PDE2A: variants seen among roughly 807,000 people sequenced by gnomAD.
PDE2A encodes phosphodiesterase 2A, also known as cGMP-dependent 3',5'-cyclic phosphodiesterase.
PDE2A carries 53 observed loss-of-function variants against 133.6 expected under a neutral mutation model. That is an observed-to-expected ratio of 0.40 (90% CI 0.32 to 0.50). The LOEUF (loss-of-function observed/expected upper bound fraction) is 0.50. PDE2A is among the 20% of genes least tolerant of loss of function. The pLI is 0.73. For missense variants in PDE2A, 796 were observed against 1,232.4 expected, an observed-to-expected ratio of 0.65 and a Z score of 5.30; for synonymous variants, 491 against 490.2, an observed-to-expected ratio of 1.00 and a Z score of -0.02.
chr11:72,634,213 AG>A (rs1858567109), intron 2 of PDE2A, among the ~76,000 whole-genome samples: 1 of 152,040 alleles, frequency 6.6e-6, no homozygotes, highest in Non-Finnish European at 1.5e-5. Flanking sequence ...GGGCCCGGGG[AG>A]GCACACTTCT....
intron 2 of PDE2A, among the ~76,000 whole-genome samples, chr11:72,616,721 C>T (rs1202520917): frequency 1.3e-5 from 2 of 152,210 alleles, no homozygotes; most frequent in Admixed American, 6.5e-5. Context: ...CTCTGCAGGC[C>T]GGGAGGCCCT....
At chr11:72,644,954 G>A (rs1261306877) in intron 1 of PDE2A, among the ~76,000 whole-genome samples, 2 of 151,974 alleles carry the variant, frequency 1.3e-5, no homozygotes, top group Non-Finnish European at 2.9e-5. Context: ...ATGGGATTTC[G>A]CCATGTTGGC....
chr11:72,668,515 G>A (rs997164422), intron 1 of PDE2A: 8 of 699,902 alleles, frequency 1.1e-5, no homozygotes, highest in Admixed American at 2.0e-5. Context: ...CAAGCCAGGG[G>A]GTCCCTGAGG....
At chr11:72,634,838 T>C (rs771127353) in intron 2 of PDE2A, among the ~76,000 whole-genome samples, 9 of 152,212 alleles carry the variant, frequency 5.9e-5, no homozygotes, top group Admixed American at 1.3e-4. Flanking sequence ...CCTCAGCCTA[T>C]ACTGAGAGGG....
intron 13 of PDE2A, among the ~76,000 whole-genome samples, chr11:72,588,249 A>G (rs1431784547): frequency 6.6e-6 from 1 of 152,068 alleles, no homozygotes; most frequent in Non-Finnish European, 1.5e-5. Flanking sequence ...CCATTTCTAG[A>G]CCCCAGGTTT....
intron 1 of PDE2A, among the ~76,000 whole-genome samples, chr11:72,672,791 T>G (rs1429127686): frequency 6.8e-6 from 1 of 148,028 alleles, no homozygotes; most frequent in African/African-American, 2.5e-5. Context: ...GAGGGCAGAG[T>G]CATTATTGCC....
At position 72,582,515 on chromosome 11, in the gene PDE2A, C is replaced by G. The variant is rs780875115; in HGVS notation, c.1780G>C (p.Ala594Pro). 6.2e-7 allele frequency: 1 copy of G among 1,613,512 alleles called. No homozygotes were observed. Among genetic ancestry groups the G allele is most frequent in the Non-Finnish European group, 8.5e-7 (1 of 1,179,452 alleles). Residue 594 changes from alanine (A) to proline (P), a missense_variant, in exon 21 of 31, where the codon GCT becomes CCT. By Grantham distance (27) the Ala-to-Pro change is conservative. Transcript: ENST00000334456. ...CTTGCAAAATTGGAGTCAATGGCAG[C>G]CACAGGCTGGATCCCATCATGGAGA... The part of the protein sequence containing the change: ...KLLHDGIQPV[A>P]AIDSNFASFT...
chr11:72,628,483 A>C (rs1324665052), intron 2 of PDE2A, among the ~76,000 whole-genome samples: 1 of 151,710 alleles, frequency 6.6e-6, no homozygotes, highest in Non-Finnish European at 1.5e-5. Context: ...GGCGCCCACC[A>C]CCACAACCGG....
intron 1 of PDE2A, among the ~76,000 whole-genome samples, chr11:72,647,034 G>A (rs1859145742): frequency 1.3e-5 from 2 of 152,114 alleles, no homozygotes; most frequent in South Asian, 4.2e-4. Context: ...TCCCTCAAGA[G>A]CAGGGCCTGT....
At chr11:72,613,028 A>G (rs1857287595) in intron 2 of PDE2A, among the ~76,000 whole-genome samples, 1 of 152,058 alleles carries the variant, frequency 6.6e-6, no homozygotes, top group Admixed American at 6.5e-5. Flanking sequence ...GAAACCAGAG[A>G]CCTTGGTCTT....
intron 19 of PDE2A, 42 bp downstream of exon 19, chr11:72,584,159 G>A (rs367841148): frequency 5.4e-6 from 2 of 372,660 alleles, no homozygotes; most frequent in South Asian, 2.3e-5. Flanking sequence ...CGTGGGCCCC[G>A]CCCCCTATCA....
At chr11:72,631,951 T>G (rs1472568088) in intron 2 of PDE2A, among the ~76,000 whole-genome samples, 1 of 151,458 alleles carries the variant, frequency 6.6e-6, no homozygotes, top group African/African-American at 2.4e-5. Flanking sequence ...TTCGTTCCCG[T>G]CAGCTGCTGG....
At chr11:72,672,387 T>A (rs1855404962) in intron 1 of PDE2A, among the ~76,000 whole-genome samples, 1 of 152,194 alleles carries the variant, frequency 6.6e-6, no homozygotes, top group African/African-American at 2.4e-5. Flanking sequence ...GGTTTCACCA[T>A]GTTGGCCAGT....
rs1457424563 is a variant in PDE2A, at chr11:72,605,135, C to T, written c.323+3G>A. On this transcript the variant is annotated splice_donor_region_variant and intron_variant, in intron 4 of 30. Transcript: ENST00000334456. ...GGCAATGGGGGTGCAGAGAATGGCT[C>T]ACCGGACTTTCCCCTCCTGGGGCAG... 3 of 1,598,730 alleles carry T rather than the reference C, an allele frequency of 1.9e-6. No individual in the cohort carries two copies. Among genetic ancestry groups the T allele is most frequent in the South Asian group, 1.1e-5 (1 of 89,162 alleles).
At chr11:72,648,834 G>A (rs983560801) in intron 1 of PDE2A, among the ~76,000 whole-genome samples, 2 of 152,098 alleles carry the variant, frequency 1.3e-5, no homozygotes, top group African/African-American at 4.8e-5. Flanking sequence ...TCTTTCCATA[G>A]ATACACGTCC....
At chr11:72,638,388 C>T (rs1300321502) in intron 2 of PDE2A, among the ~76,000 whole-genome samples, 1 of 152,192 alleles carries the variant, frequency 6.6e-6, no homozygotes, top group African/African-American at 2.4e-5. Flanking sequence ...TCTGCCAGAC[C>T]CAGCTCAGGA....
intron 2 of PDE2A, among the ~76,000 whole-genome samples, chr11:72,612,629 T>C (rs928682965): frequency 6.9e-6 from 1 of 145,004 alleles, no homozygotes; most frequent in Admixed American, 7.1e-5. Flanking sequence ...GATGGATGAG[T>C]GGGTAGGTGG....
intron 18 of PDE2A, 37 bp downstream of exon 18, chr11:72,584,514 G>A (rs1251179793): frequency 3.2e-6 from 5 of 1,550,788 alleles, no homozygotes; most frequent in Non-Finnish European, 4.4e-6. Context: ...CCCGCCCGGC[G>A]CAGGCCCCGC....
chr11:72,616,530 A>G (rs1008842504), intron 2 of PDE2A, among the ~76,000 whole-genome samples: 1 of 152,198 alleles, frequency 6.6e-6, no homozygotes, highest in Non-Finnish European at 1.5e-5. Flanking sequence ...GCCCAGGACT[A>G]CTGTACTGTG....
Sources: allele counts gnomAD v4.1 joint callset (sites outside exome capture counted in the v4.1 genomes callset), GRCh38; gene constraint gnomAD v4.1.1; transcripts MANE v1.5; gene names NCBI Gene and HGNC (gene_info 2026-07-23, HGNC 2026-07-21).